The following ADAMTS12 variants were observed in gnomAD, a reference collection of about 807,000 sequenced individuals.
ADAMTS12 encodes the protein A disintegrin and metalloproteinase with thrombospondin motifs 12.
In ADAMTS12, 118 loss-of-function variants were observed where a neutral mutation model predicts 167.8. The ratio of observed to expected loss-of-function variants is 0.70; its 90% confidence interval spans 0.61 to 0.82. The LOEUF (loss-of-function observed/expected upper bound fraction) is 0.82. Among genes scored for constraint, ADAMTS12 ranks in the 40% least tolerant of loss-of-function variants. The pLI is 0.00. For synonymous variants in ADAMTS12, 704 were observed against 716.9 expected, an observed-to-expected ratio of 0.98 and a Z score of 0.29; for missense variants, 1,916 against 1,998.8, an observed-to-expected ratio of 0.96 and a Z score of 0.79.
intron 2 of ADAMTS12, among the ~76,000 whole-genome samples, chr5:33,842,354 A>C (rs1174165024): frequency 6.6e-6 from 1 of 152,164 alleles, no homozygotes; most frequent in Non-Finnish European, 1.5e-5. Flanking sequence ...TGCTTTACTT[A>C]GGGAACTATT....
chr5:33,668,802 G>T (rs1328775257), intron 5 of ADAMTS12, among the ~76,000 whole-genome samples: 4 of 152,130 alleles, frequency 2.6e-5, no homozygotes, highest in Non-Finnish European at 5.9e-5. Flanking sequence ...ATTCTAATCA[G>T]ATACTTAGCT....
intron 2 of ADAMTS12, among the ~76,000 whole-genome samples, chr5:33,837,088 A>T (rs541967225): frequency 6.6e-6 from 1 of 152,154 alleles, no homozygotes; most frequent in Non-Finnish European, 1.5e-5. Flanking sequence ...ACCCTGGGGG[A>T]CTTAGCACAC....
intron 18 of ADAMTS12, among the ~76,000 whole-genome samples, chr5:33,583,751 G>C (rs1349846670): frequency 4.6e-5 from 7 of 152,130 alleles, no homozygotes; most frequent in Non-Finnish European, 1.0e-4. Context: ...CAACGATATT[G>C]AGCACCTTTT....
chr5:33,690,612 C>T (rs1445263189), intron 3 of ADAMTS12, among the ~76,000 whole-genome samples: 3 of 152,078 alleles, frequency 2.0e-5, no homozygotes, highest in Non-Finnish European at 2.9e-5. Flanking sequence ...AACATAATTA[C>T]ATCAAATGTA....
chr5:33,833,090 C>T (rs1748367519), intron 2 of ADAMTS12, among the ~76,000 whole-genome samples: 1 of 152,092 alleles, frequency 6.6e-6, no homozygotes, highest in Admixed American at 6.5e-5. Flanking sequence ...TGAGTCACTG[C>T]TGCCATTTTT....
chr5:33,588,508 C>T, intron 18 of ADAMTS12, 91 bp downstream of exon 18: 1 of 1,520,068 alleles, frequency 6.6e-7, no homozygotes. Flanking sequence ...GCAATTTTAC[C>T]TAGGGTCACT....
intron 3 of ADAMTS12, among the ~76,000 whole-genome samples, chr5:33,729,899 T>C (rs1264156700): frequency 2.0e-5 from 3 of 152,262 alleles, no homozygotes; most frequent in Non-Finnish European, 4.4e-5. Context: ...GAATCACTGA[T>C]ACACAGCATG....
At chr5:33,756,457 C>T (rs1472213618) in intron 2 of ADAMTS12, among the ~76,000 whole-genome samples, 1 of 152,238 alleles carries the variant, frequency 6.6e-6, no homozygotes, top group Non-Finnish European at 1.5e-5. Context: ...ATTATTATTT[C>T]TTGTTGCTGG....
intron 2 of ADAMTS12, among the ~76,000 whole-genome samples, chr5:33,786,414 G>C (rs994987309): frequency 6.6e-6 from 1 of 151,362 alleles, no homozygotes; most frequent in African/African-American, 2.4e-5. Flanking sequence ...AGATGGGGAG[G>C]GAAAGAGAAG....
At chr5:33,662,373 A>G (rs1741289363) in intron 5 of ADAMTS12, among the ~76,000 whole-genome samples, 2 of 152,272 alleles carry the variant, frequency 1.3e-5, no homozygotes, top group Admixed American at 6.5e-5. Context: ...GTCTCTCTGC[A>G]TCCTAAACCA....
intron 2 of ADAMTS12, among the ~76,000 whole-genome samples, chr5:33,790,164 G>A (rs1746473545): frequency 6.6e-6 from 1 of 152,194 alleles, no homozygotes; most frequent in Non-Finnish European, 1.5e-5. Context: ...GTATTTAGTT[G>A]TTTTATCCTT....
intron 2 of ADAMTS12, among the ~76,000 whole-genome samples, chr5:33,779,614 T>C (rs1270507672): frequency 3.3e-5 from 5 of 152,210 alleles, no homozygotes; most frequent in Non-Finnish European, 5.9e-5. Flanking sequence ...GTAGTGTATA[T>C]GTACAGCAGA....
At chr5:33,608,729 C>T (rs958599180) in intron 16 of ADAMTS12, among the ~76,000 whole-genome samples, 1 of 152,176 alleles carries the variant, frequency 6.6e-6, no homozygotes, top group Non-Finnish European at 1.5e-5. Context: ...GAGCATCACT[C>T]GGTCAGAAAG....
intron 5 of ADAMTS12, among the ~76,000 whole-genome samples, chr5:33,680,454 T>C (rs889248512): frequency 6.6e-6 from 1 of 151,360 alleles, no homozygotes; most frequent in Non-Finnish European, 1.5e-5. Context: ...CTGTTTTATA[T>C]GAAAGCAGTT....
In ADAMTS12 at chr5:33,828,841, G is replaced by A. The variant is rs1392630242; in HGVS notation, c.489+52278C>T. Among the ~76,000 whole-genome samples, 8 of 152,292 alleles carry A rather than the reference G, an allele frequency of 5.3e-5. No individual in the cohort carries two copies. The South Asian group carries it at 1.5e-3, about 28-fold the overall frequency. ...TCAGGATCTTGTTGGTGGAGAAGGG[G>A]TAAAGGGAGGGCTCTGTCGCAGTAG... On this transcript the variant is annotated intron_variant, in intron 2 of 23. Coordinates refer to ENST00000504830, the MANE Select transcript of ADAMTS12 (RefSeq NM_030955.4).
intron 7 of ADAMTS12, among the ~76,000 whole-genome samples, chr5:33,650,036 T>C (rs1489310493): frequency 6.6e-6 from 1 of 152,188 alleles, no homozygotes; most frequent in African/African-American, 2.4e-5. Flanking sequence ...AGCTATTTGC[T>C]TTCTCCTGCT....
Position 33,683,929 on chromosome 5 carries a change from G to C in ADAMTS12, c.761C>G (p.Ala254Gly), listed in dbSNP as rs1271975795. The change falls in exon 4 of 24, where the codon GCC becomes GGC. Residue 254 changes from alanine (A) to glycine (G), a missense_variant. Coordinates refer to ENST00000504830, the MANE Select transcript of ADAMTS12 (RefSeq NM_030955.4). ...ATGGTATTCAATCATCTTTGTGTCG[G>C]CCACCACCAGTGTCTCCACCCATCT... is the stretch of plus-strand genomic sequence containing the variant. The part of the protein sequence containing the change: ...KERWVETLVV[A>G]DTKMIEYHGS... The C allele has an allele frequency of 1.2e-6, 2 of 1,608,204 alleles. No homozygotes were observed. The highest frequency in any genetic ancestry group is 2.2e-5 in the South Asian group (2 of 90,068).
At chr5:33,856,063 T>C (rs189962536) in intron 2 of ADAMTS12, among the ~76,000 whole-genome samples, 294 of 152,290 alleles carry the variant, frequency 1.9e-3, no homozygotes, top group African/African-American at 6.9e-3. Context: ...GCCTCCCAAC[T>C]TGTATTCCAG....
At position 33,546,102 on chromosome 5, in the gene ADAMTS12, T is replaced by C. The variant is rs61753559; in HGVS notation, c.4403A>G (p.Asn1468Ser). The C allele has an allele frequency of 2.8e-3, 4,492 of 1,613,876 alleles. 10 individuals are homozygous for C. Among genetic ancestry groups the C allele is most frequent in the Non-Finnish European group, 3.5e-3 (4,126 of 1,179,962 alleles). Residue 1468 changes from asparagine to serine, a missense_variant, in exon 22 of 24, where the codon AAT (asparagine) becomes AGT (serine). Coordinates refer to ENST00000504830, the MANE Select transcript of ADAMTS12 (RefSeq NM_030955.4). ...GGCCCAGTGACAGCACAGGTGCTCA[T>C]TGCAAGACATGGTGGATGTGGGTCT... The part of the protein sequence containing the change: ...TKRPTSTMSC[N>S]EHLCCHWATG...
Sources: gnomAD v4.1 joint callset for allele counts (sites outside exome capture counted in the v4.1 genomes callset) on GRCh38, gnomAD v4.1.1 for gene constraint, MANE v1.5 for transcripts, NCBI Gene and HGNC (gene_info 2026-07-23, HGNC 2026-07-21) for gene names.